CACHD1: variants seen among roughly 807,000 people sequenced by gnomAD.
CACHD1 encodes the protein VWFA and cache domain-containing protein 1.
In CACHD1, 71 loss-of-function variants were observed where a neutral mutation model predicts 138.7. That is an observed-to-expected ratio of 0.51 (90% CI 0.42 to 0.62). The LOEUF (loss-of-function observed/expected upper bound fraction) is 0.62. Ranked by LOEUF, CACHD1 falls within the 20% of genes least tolerant of loss-of-function variation. CACHD1 has a pLI of 0.00. For synonymous variants in CACHD1, 578 were observed against 591.5 expected (o/e 0.98, Z 0.33); for missense variants, 1,389 against 1,625.3 (o/e 0.85, Z 2.50).
intron 1 of CACHD1, among the ~76,000 whole-genome samples, chr1:64,523,502 T>C (rs1369710615): frequency 6.6e-6 from 1 of 152,180 alleles, no homozygotes; most frequent in Admixed American, 6.5e-5. Context: ...TGGAGGAGCA[T>C]TTTGACAGAC....
intron 1 of CACHD1, among the ~76,000 whole-genome samples, chr1:64,474,369 T>C (rs539641786): frequency 9.9e-4 from 150 of 152,266 alleles, no homozygotes; most frequent in African/African-American, 3.5e-3. Flanking sequence ...ATTGGGTAGG[T>C]AGAGACCTGG....
At chr1:64,634,838 CA>C (rs547819961) in intron 7 of CACHD1, among the ~76,000 whole-genome samples, 1 of 150,990 alleles carries the variant, frequency 6.6e-6, no homozygotes. Flanking sequence ...ACTAAAAATA[CA>C]AAAAAAATTA....
chr1:64,572,250 G>C (rs1646932474), intron 2 of CACHD1, among the ~76,000 whole-genome samples: 1 of 152,046 alleles, frequency 6.6e-6, no homozygotes, highest in African/African-American at 2.4e-5. Flanking sequence ...TTTTTTCTAA[G>C]GTCAAGAATA....
At chr1:64,553,737 C>T (rs1436698312) in intron 2 of CACHD1, among the ~76,000 whole-genome samples, 1 of 152,126 alleles carries the variant, frequency 6.6e-6, no homozygotes, top group Non-Finnish European at 1.5e-5. Context: ...CAGAGGTAGC[C>T]TTATCCTAAT....
intron 2 of CACHD1, among the ~76,000 whole-genome samples, chr1:64,577,460 G>T (rs1393249902): frequency 6.6e-6 from 1 of 152,092 alleles, no homozygotes; most frequent in African/African-American, 2.4e-5. Flanking sequence ...GTGGGGAGAG[G>T]GTTGATCTCC....
chr1:64,510,098 G>A (rs926667858), intron 1 of CACHD1, among the ~76,000 whole-genome samples: 18 of 152,050 alleles, frequency 1.2e-4, no homozygotes, highest in African/African-American at 4.3e-4. Context: ...ATTTTAATGG[G>A]AGTCAAGAGC....
chr1:64,543,436 C>G (rs1473551946), intron 1 of CACHD1, among the ~76,000 whole-genome samples: 3 of 118,306 alleles, frequency 2.5e-5, no homozygotes, highest in African/African-American at 1.2e-4. Flanking sequence ...TTTAAATTAG[C>G]CAGCAGTGGT....
intron 8 of CACHD1, among the ~76,000 whole-genome samples, chr1:64,643,636 A>C (rs1648804638): frequency 6.6e-6 from 1 of 152,200 alleles, no homozygotes; most frequent in Non-Finnish European, 1.5e-5. Context: ...GGAGATCAAG[A>C]CCATCCTGGC....
intron 16 of CACHD1, among the ~76,000 whole-genome samples, chr1:64,667,261 A>G (rs1161529148): frequency 6.6e-6 from 1 of 152,176 alleles, no homozygotes; most frequent in Non-Finnish European, 1.5e-5. Context: ...CATTTATAGG[A>G]GGCAGATTTT....
intron 4 of CACHD1, among the ~76,000 whole-genome samples, chr1:64,612,180 G>A (rs148974842): frequency 6.6e-6 from 1 of 152,266 alleles, no homozygotes; most frequent in East Asian, 1.9e-4. Flanking sequence ...TGAGGTTTGG[G>A]TGGGGACACA....
intron 5 of CACHD1, among the ~76,000 whole-genome samples, 198 bp from the exon 6 acceptor site, chr1:64,632,401 A>G (rs1381110758): frequency 1.3e-5 from 2 of 152,174 alleles, no homozygotes; most frequent in Non-Finnish European, 2.9e-5. Context: ...TGTTCTACAG[A>G]CACACCTTGT....
chr1:64,557,650 C>G (rs1447053149), intron 2 of CACHD1, among the ~76,000 whole-genome samples: 2 of 151,994 alleles, frequency 1.3e-5, no homozygotes, highest in East Asian at 3.9e-4. Flanking sequence ...AACAAAAGAC[C>G]CTTTTCTTGA....
At chr1:64,552,471 G>T (rs202063753) in intron 2 of CACHD1, among the ~76,000 whole-genome samples, 43 of 122,912 alleles carry the variant, frequency 3.5e-4, no homozygotes, top group African/African-American at 1.0e-3. Context: ...ATTTTGTTTT[G>T]TTTTTTTTTT....
Position 64,663,738 on chromosome 1 carries a change from C to T in CACHD1, c.1995C>T (p.Pro665=). ...IMLSAGSFSS[P]YEHLSQPETK... ...TGTCTGCTGGCAGCTTTTCCTCCCC[C>T]TATGAGCACCTCAGCCAGCCAGAGA... The change falls in exon 14 of 27, where the codon CCC becomes CCT. Residue 665 remains proline, a synonymous_variant. Coordinates refer to ENST00000651257, the MANE Select transcript of CACHD1 (RefSeq NM_020925.4). The T allele has an allele frequency of 6.2e-7, 1 of 1,614,070 alleles. No individual in the cohort carries two copies. Among genetic ancestry groups the T allele is most frequent in the Non-Finnish European group, 8.5e-7 (1 of 1,179,994 alleles).
chr1:64,538,888 C>A (rs557788744), intron 1 of CACHD1, among the ~76,000 whole-genome samples: 18 of 152,270 alleles, frequency 1.2e-4, no homozygotes, highest in Admixed American at 1.1e-3. Flanking sequence ...GTGTTTTAAA[C>A]CCCAACAGTT....
intron 9 of CACHD1, among the ~76,000 whole-genome samples, chr1:64,649,496 C>T (rs1395910331): frequency 6.6e-6 from 1 of 152,168 alleles, no homozygotes; most frequent in African/African-American, 2.4e-5. Context: ...ATGTAGCTTA[C>T]ATTACTGAGT....
chr1:64,624,814 G>A (rs963911308), intron 4 of CACHD1, among the ~76,000 whole-genome samples: 2 of 152,164 alleles, frequency 1.3e-5, no homozygotes, highest in African/African-American at 4.8e-5. Context: ...TATGCATGAG[G>A]GACCTGGGGA....
chr1:64,564,784 T>A (rs1447479905), intron 2 of CACHD1, among the ~76,000 whole-genome samples: 1 of 152,058 alleles, frequency 6.6e-6, no homozygotes, highest in Non-Finnish European at 1.5e-5. Flanking sequence ...CAAAACTAAT[T>A]GAGAAGTGTG....
intron 1 of CACHD1, among the ~76,000 whole-genome samples, chr1:64,512,554 A>G (rs995929372): frequency 6.6e-6 from 1 of 152,072 alleles, no homozygotes; most frequent in African/African-American, 2.4e-5. Flanking sequence ...AGACAAAATA[A>G]CAGTCTGCAG....
Sources: allele counts gnomAD v4.1 joint callset (sites outside exome capture counted in the v4.1 genomes callset), GRCh38; gene constraint gnomAD v4.1.1; transcripts MANE v1.5; gene names NCBI Gene and HGNC (gene_info 2026-07-23, HGNC 2026-07-21).